Variants in KLHL1 observed in about 807,000 individuals in gnomAD.
KLHL1 encodes kelch like family member 1.
KLHL1 carries 47 observed loss-of-function variants against 77.7 expected under a neutral mutation model. The ratio of observed to expected loss-of-function variants is 0.60; its 90% CI spans 0.48 to 0.77. KLHL1 has a LOEUF of 0.77. Among genes scored for constraint, KLHL1 ranks in the 30% least tolerant of loss-of-function variants. The pLI is 0.00. For missense variants in KLHL1, 925 were observed against 910.8 expected, an observed-to-expected ratio of 1.02 and a Z score of -0.20; for synonymous variants, 360 against 325.2, an observed-to-expected ratio of 1.11 and a Z score of -1.15.
At chr13:70,065,065 T>C (rs1886974972) in intron 1 of KLHL1, among the ~76,000 whole-genome samples, 1 of 152,134 alleles carries the variant, frequency 6.6e-6, no homozygotes, top group South Asian at 2.1e-4. Context: ...TAGGTCATAA[T>C]CTTATCATCC....
At chr13:69,940,848 T>C (rs1468191464) in intron 3 of KLHL1, among the ~76,000 whole-genome samples, 3 of 151,118 alleles carry the variant, frequency 2.0e-5, no homozygotes, top group Non-Finnish European at 4.4e-5. Flanking sequence ...CCTCTGTTTT[T>C]CTAATATCCA....
At chr13:69,900,755 T>C (rs1300638252) in intron 4 of KLHL1, among the ~76,000 whole-genome samples, 1 of 152,264 alleles carries the variant, frequency 6.6e-6, no homozygotes, top group Non-Finnish European at 1.5e-5. Flanking sequence ...CCTTTCCTTT[T>C]ATCCCATTGA....
chr13:69,711,791 A>G (rs1374867707), intron 9 of KLHL1, among the ~76,000 whole-genome samples: 1 of 152,130 alleles, frequency 6.6e-6, no homozygotes, highest in East Asian at 1.9e-4. Context: ...TGGTATTACA[A>G]AGAGGCTGTG....
chr13:69,875,641 C>T (rs1880735674), intron 5 of KLHL1, among the ~76,000 whole-genome samples: 1 of 151,928 alleles, frequency 6.6e-6, no homozygotes. Context: ...ATATTAATAC[C>T]TCTGCTGACT....
intron 5 of KLHL1, among the ~76,000 whole-genome samples, chr13:69,843,299 G>A (rs1281361649): frequency 1.3e-5 from 2 of 151,532 alleles, no homozygotes; most frequent in African/African-American, 4.8e-5. Flanking sequence ...AATTAGAAAT[G>A]TACTCCTTTT....
At chr13:69,774,281 T>G (rs1173722590) in intron 7 of KLHL1, among the ~76,000 whole-genome samples, 2 of 151,956 alleles carry the variant, frequency 1.3e-5, no homozygotes, top group African/African-American at 4.8e-5. Flanking sequence ...TTAATAAAAT[T>G]TATGACATAA....
Position 70,020,807 on chromosome 13 carries a change from A to ATG in KLHL1, c.498-45006_498-45005insCA, listed in dbSNP as rs1467782353. Among the ~76,000 whole-genome samples the ATG allele has an allele frequency of 1.8e-3, 68 of 38,584 alleles. No individual in the cohort carries two copies. The East Asian group carries it at 0.054, about 31-fold the overall frequency. The allele number at this position is 38,584 out of a possible 152,430, so 25.3% of individuals were successfully genotyped here. A position where few individuals can be genotyped will look rare whatever the true frequency, so the allele number is the denominator to read the frequency against. ...TTGTGAGATATATATGTATATGCATACATACACATACACATATATATTCAT... is the reference window on the plus strand; with the variant it reads ...TTGTGAGATATATATGTATATGCATATGCATACACATACACATATATATTCAT... On this transcript the variant is annotated intron_variant, in intron 1 of 10. Coordinates refer to ENST00000377844, the MANE Select transcript of KLHL1 (RefSeq NM_020866.3).
At chr13:69,945,593 AT>A (rs1883501112) in intron 3 of KLHL1, among the ~76,000 whole-genome samples, 1 of 152,192 alleles carries the variant, frequency 6.6e-6, no homozygotes, top group Admixed American at 6.6e-5. Context: ...TTCGAACTAA[AT>A]TTTTAAAAAA....
intron 1 of KLHL1, among the ~76,000 whole-genome samples, chr13:70,010,339 G>C (rs1885502870): frequency 6.6e-6 from 1 of 152,030 alleles, no homozygotes; most frequent in Non-Finnish European, 1.5e-5. Flanking sequence ...AAGTAATTAT[G>C]ATGATTTGAA....
In KLHL1 at chr13:70,108,229, C is replaced by T. The variant is rs1888126381; in HGVS notation, c.-530G>A. The T allele has an allele frequency of 1.0e-5, 4 of 391,396 alleles. No homozygotes were observed. The highest frequency in any genetic ancestry group is 4.5e-5 in the Admixed American group (1 of 22,458). 24.2% of individuals were successfully genotyped at this position (391,396 alleles called of 1,614,324 possible). On this transcript the variant is annotated 5_prime_UTR_variant, in exon 1 of 11. Transcript: ENST00000377844. ...GAGCCCCAAGTCTCGAGGAAGCGTA[C>T]CCCTCGCCAGATCTCTTGGTGCACC...
chr13:69,961,310 G>A lies in KLHL1; in HGVS notation c.815C>T (p.Thr272Ile). 2.5e-6 allele frequency: 4 copies of A among 1,610,830 alleles called. No homozygotes were observed. The highest frequency in any genetic ancestry group is 3.4e-6 in the Non-Finnish European group (4 of 1,177,870). Residue 272 changes from threonine to isoleucine, a missense_variant and splice_region_variant, in exon 3 of 11, where the codon ACA becomes ATA. By Grantham distance (89) the Thr-to-Ile change is moderately conservative. Transcript: ENST00000377844. ...ATGTTATAATTATTTTGCCATACCT[G>A]TATATGCAAATTGGACAAGGTCCCA... Reference protein sequence around the residue: ...ALWDLVQFAYTGCLELKEDTI... With the variant: ...ALWDLVQFAYIGCLELKEDTI...
chr13:69,993,195 G>C (rs1285184574), intron 1 of KLHL1, among the ~76,000 whole-genome samples: 1 of 152,082 alleles, frequency 6.6e-6, no homozygotes, highest in Non-Finnish European at 1.5e-5. Flanking sequence ...CAATGAATGA[G>C]ATATAGGGTT....
chr13:70,076,385 A>AT (rs1471667638), intron 1 of KLHL1, among the ~76,000 whole-genome samples: 1 of 78,984 alleles, frequency 1.3e-5, no homozygotes, highest in Admixed American at 1.6e-4. Flanking sequence ...GGAAAGGATA[A>AT]TCTTTTTTTT....
chr13:69,806,360 A>G (rs1383971683), intron 6 of KLHL1, among the ~76,000 whole-genome samples: 2 of 152,212 alleles, frequency 1.3e-5, no homozygotes, highest in Non-Finnish European at 2.9e-5. Flanking sequence ...TAAAACCTTA[A>G]GAGAACTACA....
chr13:70,029,266 G>T (rs946969278), intron 1 of KLHL1, among the ~76,000 whole-genome samples: 1 of 152,052 alleles, frequency 6.6e-6, no homozygotes, highest in African/African-American at 2.4e-5. Context: ...CTGAATATAT[G>T]GGCAGATGAA....
intron 5 of KLHL1, among the ~76,000 whole-genome samples, chr13:69,847,404 CAA>C (rs11357077): frequency 2.7e-4 from 40 of 145,842 alleles, no homozygotes; most frequent in African/African-American, 9.8e-4. Flanking sequence ...ACTGCATTAG[CAA>C]AAAAAAAAAA....
chr13:69,860,737 C>A (rs1409542498), intron 5 of KLHL1, among the ~76,000 whole-genome samples: 1 of 136,684 alleles, frequency 7.3e-6, no homozygotes, highest in African/African-American at 3.0e-5. Context: ...TCAAAGTTTA[C>A]AAATTCTATT....
chr13:69,745,780 A>T (rs1047210448), intron 7 of KLHL1, among the ~76,000 whole-genome samples: 1 of 151,950 alleles, frequency 6.6e-6, no homozygotes, highest in Admixed American at 6.6e-5. Context: ...AATTTTAAAA[A>T]ATTGTAAACA....
chr13:69,943,745 C>T (rs60814075), intron 3 of KLHL1, among the ~76,000 whole-genome samples: 19,475 of 151,962 alleles, frequency 0.13, 1,940 homozygotes, highest in East Asian at 0.29. Flanking sequence ...CTGATTATAA[C>T]ACTTTTTTAT....
Sources: allele counts gnomAD v4.1 joint callset (sites outside exome capture counted in the v4.1 genomes callset), GRCh38; gene constraint gnomAD v4.1.1; transcripts MANE v1.5; gene names NCBI Gene and HGNC (gene_info 2026-07-23, HGNC 2026-07-21).